DTNA: variants seen among roughly 807,000 people sequenced by gnomAD.
DTNA encodes the protein dystrobrevin alpha, also known as dystrophin-related protein 3.
A neutral mutation model predicts 100.7 loss-of-function variants in DTNA; 43 were observed. The observed-to-expected ratio is 0.43, with a 90% CI of 0.33 to 0.55. The LOEUF (loss-of-function observed/expected upper bound fraction) is 0.55, where lower values mean the gene tolerates loss of function less well. Among genes scored for constraint, DTNA ranks in the 20% least tolerant of loss-of-function variants. DTNA has a pLI of 0.04. For missense variants in DTNA, 798 were observed against 953.9 expected (o/e 0.84, Z 2.15); for synonymous variants, 349 against 347.9 (o/e 1.00, Z -0.04).
intron 11 of DTNA, among the ~76,000 whole-genome samples, chr18:34,837,243 C>T (rs1314602869): frequency 6.6e-6 from 1 of 152,154 alleles, no homozygotes; most frequent in African/African-American, 2.4e-5. Flanking sequence ...TTTCTTCAAA[C>T]ACATTACCAA....
chr18:34,594,790 C>T (rs1055654787), intron 1 of DTNA, among the ~76,000 whole-genome samples: 4 of 152,150 alleles, frequency 2.6e-5, no homozygotes, highest in Non-Finnish European at 5.9e-5. Context: ...CCCCTTTCCT[C>T]CTTTCTCTGT....
chr18:34,668,273 C>T (rs1467097966), intron 1 of DTNA, among the ~76,000 whole-genome samples: 2 of 152,110 alleles, frequency 1.3e-5, no homozygotes, highest in African/African-American at 2.4e-5. Context: ...GTGGTTATAA[C>T]CCCTTTATCA....
chr18:34,879,988 A>G (rs1430120917), intron 20 of DTNA, among the ~76,000 whole-genome samples: 1 of 152,262 alleles, frequency 6.6e-6, no homozygotes, highest in East Asian at 1.9e-4. Context: ...TGCTAGTGCT[A>G]TACAAAATAG....
In DTNA at chr18:34,718,393, A is replaced by G. The variant is rs74449360; in HGVS notation, c.-2+7948A>G. 8.4e-3 allele frequency among the ~76,000 whole-genome samples: 1,285 copies of G among 152,328 alleles called. 18 individuals carry two copies. Among genetic ancestry groups the G allele is most frequent in the African/African-American group, 0.029 (1,197 of 41,578 alleles). On this transcript the variant is annotated intron_variant, in intron 1 of 22. Coordinates refer to ENST00000444659, the MANE Select transcript of DTNA (RefSeq NM_001386795.1). ...AAAAATACAAGAATTTTAAAAGTAT[A>G]TAATTAGGCATCGTTTAGAAAGGTC...
chr18:34,874,788 C>T (rs377216777), intron 17 of DTNA, among the ~76,000 whole-genome samples: 1 of 152,184 alleles, frequency 6.6e-6, no homozygotes, highest in Non-Finnish European at 1.5e-5. Context: ...GATTTAAACT[C>T]TTATCCTCTA....
At chr18:34,552,812 A>G (rs1413289675) in intron 1 of DTNA, among the ~76,000 whole-genome samples, 1 of 147,482 alleles carries the variant, frequency 6.8e-6, no homozygotes, top group Admixed American at 6.7e-5. Context: ...AGTCTTTGCT[A>G]TGGTGAATAA....
chr18:34,536,485 T>C (rs776366906), intron 1 of DTNA, among the ~76,000 whole-genome samples: 19 of 152,012 alleles, frequency 1.2e-4, no homozygotes, highest in Non-Finnish European at 2.4e-4. Flanking sequence ...TGATAGCTCA[T>C]TGTTTTAAAT....
chr18:34,681,402 G>A (rs993316368), intron 1 of DTNA, among the ~76,000 whole-genome samples: 4 of 152,016 alleles, frequency 2.6e-5, no homozygotes, highest in Non-Finnish European at 5.9e-5. Flanking sequence ...TCACAAGTAA[G>A]TGTATATCTC....
Position 34,629,663 on chromosome 18 carries a change from A to T in DTNA, c.-1-126313A>T, listed in dbSNP as rs966678535. Among the ~76,000 whole-genome samples, 5 of 152,178 alleles carry T rather than the reference A, an allele frequency of 3.3e-5. No individual in the cohort carries two copies. In the East Asian group the frequency reaches 7.7e-4, roughly 23 times the overall value. On this transcript the variant is annotated intron_variant, in intron 1 of 19. Transcript: ENST00000283365. ...AGGACAAGTGCTGTTTAAAACCTGC[A>T]ACCTCTTTAGTCCTCCAGGCCACCT...
intron 1 of DTNA, among the ~76,000 whole-genome samples, chr18:34,649,118 A>G (rs1599577954): frequency 6.6e-6 from 1 of 152,102 alleles, no homozygotes; most frequent in African/African-American, 2.4e-5. Flanking sequence ...GAAGGCTGGA[A>G]ATTTGATGTT....
chr18:34,835,197 A>T (rs1003058169), intron 11 of DTNA, among the ~76,000 whole-genome samples: 2 of 152,226 alleles, frequency 1.3e-5, no homozygotes, highest in Admixed American at 6.5e-5. Context: ...CTATGTGAAC[A>T]GTGAGTATCA....
intron 3 of DTNA, among the ~76,000 whole-genome samples, chr18:34,781,783 G>T (rs927408133): frequency 6.6e-6 from 1 of 152,148 alleles, no homozygotes; most frequent in Non-Finnish European, 1.5e-5. Flanking sequence ...TAGATATATA[G>T]TACAGAATGA....
intron 1 of DTNA, among the ~76,000 whole-genome samples, chr18:34,601,385 G>A (rs942391618): frequency 5.3e-5 from 8 of 152,196 alleles, no homozygotes; most frequent in Non-Finnish European, 7.3e-5. Flanking sequence ...ATACTGCTAA[G>A]CATGTCTTAT....
chr18:34,856,646 G>A (rs374102793), intron 15 of DTNA, among the ~76,000 whole-genome samples: 7 of 152,256 alleles, frequency 4.6e-5, no homozygotes, highest in African/African-American at 9.6e-5. Context: ...ACTTGTTATC[G>A]AACTTGGGGA....
Position 34,890,196 on chromosome 18 carries a change from A to G in DTNA, c.*2462A>G. On this transcript the variant is annotated 3_prime_UTR_variant, in exon 23 of 23. Coordinates refer to ENST00000444659, the MANE Select transcript of DTNA (RefSeq NM_001386795.1). Reference sequence around the variant, plus strand: ...AGCTATTTCATTGCCAACCAACTCCATCACATGGTTGTTGATATCGTCATA... The same window carrying G: ...AGCTATTTCATTGCCAACCAACTCCGTCACATGGTTGTTGATATCGTCATA... 6.9e-7 allele frequency: 1 copy of G among 1,450,894 alleles called. No individual in the cohort carries two copies. The highest frequency in any genetic ancestry group is 1.5e-5 in the South Asian group (1 of 68,512). 89.9% of individuals were successfully genotyped at this position (1,450,894 alleles called of 1,614,324 possible).
intron 1 of DTNA, among the ~76,000 whole-genome samples, chr18:34,564,867 G>A (rs2046951100): frequency 6.6e-6 from 1 of 152,118 alleles, no homozygotes. Flanking sequence ...CATGTGTGTG[G>A]CTGCCTGCTG....
At chr18:34,539,445 T>C (rs1430902394) in intron 1 of DTNA, among the ~76,000 whole-genome samples, 1 of 152,054 alleles carries the variant, frequency 6.6e-6, no homozygotes, top group Non-Finnish European at 1.5e-5. Flanking sequence ...GGTGGTTGGC[T>C]GACTTGCTAA....
chr18:34,626,224 C>G (rs1027287715), intron 1 of DTNA, among the ~76,000 whole-genome samples: 2 of 152,094 alleles, frequency 1.3e-5, no homozygotes, highest in African/African-American at 4.8e-5. Flanking sequence ...AACCCTAACA[C>G]TCGTGAAAGT....
At chr18:34,881,437 C>CTTTTTTTTTTTTTTTTTTTTTTTTG (rs2096871478) in intron 20 of DTNA, among the ~76,000 whole-genome samples, 1 of 51,384 alleles carries the variant, frequency 1.9e-5, no homozygotes, top group African/African-American at 8.4e-5. Flanking sequence ...AATTAAAATG[C>CTTTTTTTTTTTTTTTTTTTTTTTTG]TTTTTTTTTT....
Sources: gnomAD v4.1 joint callset for allele counts (sites outside exome capture counted in the v4.1 genomes callset) on GRCh38, gnomAD v4.1.1 for gene constraint, MANE v1.5 for transcripts, NCBI Gene and HGNC (gene_info 2026-07-23, HGNC 2026-07-21) for gene names.